The following ADGRL2 variants were observed in gnomAD, a reference collection of about 807,000 sequenced individuals.
The protein encoded by ADGRL2 is calcium-independent alpha-latrotoxin receptor 2.
Under a neutral mutation model 157.4 loss-of-function variants are expected in ADGRL2, and 44 were observed. That is an observed-to-expected ratio of 0.28 (90% confidence interval 0.22 to 0.36). The LOEUF is 0.36. Ranked by LOEUF, ADGRL2 falls within the 10% of genes least tolerant of loss-of-function variation. ADGRL2 has a pLI of 1.00. For synonymous variants in ADGRL2, 585 were observed against 624.7 expected (o/e 0.94, Z 0.95); for missense variants, 1,510 against 1,768.9 (o/e 0.85, Z 2.63).
chr1:81,503,043 C>G, intron 2 of ADGRL2: 4 of 1,611,400 alleles, frequency 2.5e-6, no homozygotes, highest in Non-Finnish European at 3.4e-6. Flanking sequence ...CTCGGACCGC[C>G]GCACTGGAGC....
intron 1 of ADGRL2, among the ~76,000 whole-genome samples, chr1:81,360,144 A>G (rs374497139): frequency 6.6e-6 from 1 of 151,926 alleles, no homozygotes; most frequent in South Asian, 2.1e-4. Context: ...ACTTCATTTC[A>G]TGGTATTGGA....
Position 81,984,515 on chromosome 1 carries a change from C to A in ADGRL2, c.3283-68C>A. On this transcript the variant is annotated intron_variant, in intron 19 of 23. Transcript: ENST00000686636. ...ATTCTTTTCGGTTGTCTTCACTGTT[C>A]ATTTAATTAGAGAGAGAGAAGCAAG... 5 of 1,388,408 alleles carry A rather than the reference C, an allele frequency of 3.6e-6. No individual in the cohort carries two copies. The South Asian group carries it at 7.3e-5, about 20-fold the overall frequency. The allele number at this position is 1,388,408 out of a possible 1,614,324, so 86.0% of individuals were successfully genotyped here.
At chr1:81,732,459 AGCACAG>A (rs2084758997) in intron 1 of ADGRL2, among the ~76,000 whole-genome samples, 1 of 152,228 alleles carries the variant, frequency 6.6e-6, no homozygotes, top group South Asian at 2.1e-4. Flanking sequence ...ATTTAATGCC[AGCACAG>A]CCTTACAGAG....
intron 1 of ADGRL2, among the ~76,000 whole-genome samples, chr1:81,437,430 C>T (rs2077429009): frequency 6.6e-6 from 1 of 152,080 alleles, no homozygotes; most frequent in African/African-American, 2.4e-5. Flanking sequence ...AAAAGAAAAA[C>T]AGATCCAAAG....
chr1:81,746,840 GT>G (rs2085263964), intron 1 of ADGRL2, among the ~76,000 whole-genome samples: 1 of 132,184 alleles, frequency 7.6e-6, no homozygotes, highest in African/African-American at 3.3e-5. Context: ...ATATATACAT[GT>G]ATATACACAC....
At chr1:81,759,599 A>T (rs1404564547) in intron 1 of ADGRL2, among the ~76,000 whole-genome samples, 2 of 152,160 alleles carry the variant, frequency 1.3e-5, no homozygotes, top group African/African-American at 4.8e-5. Context: ...CAAATACTAA[A>T]GTGATGATTT....
chr1:81,745,903 T>C (rs1425770009), intron 1 of ADGRL2, among the ~76,000 whole-genome samples: 1 of 152,176 alleles, frequency 6.6e-6, no homozygotes, highest in East Asian at 1.9e-4. Context: ...TCTTATAAAA[T>C]GACTCGAGGC....
chr1:81,465,321 A>G (rs548667019), intron 2 of ADGRL2, among the ~76,000 whole-genome samples: 51 of 152,318 alleles, frequency 3.3e-4, no homozygotes, highest in African/African-American at 1.2e-3. Context: ...TTAGGGAATT[A>G]TATAAATTAG....
chr1:81,893,472 T>C (rs2094315216), intron 2 of ADGRL2, among the ~76,000 whole-genome samples: 1 of 152,186 alleles, frequency 6.6e-6, no homozygotes, highest in Non-Finnish European at 1.5e-5. Flanking sequence ...CACCAGGGCA[T>C]GGCAACAATG....
chr1:81,567,117 C>T (rs368850182), intron 2 of ADGRL2, among the ~76,000 whole-genome samples: 12 of 152,156 alleles, frequency 7.9e-5, no homozygotes, highest in African/African-American at 2.6e-4. Flanking sequence ...ATGTGGGGAT[C>T]AGAGGGGCAT....
intron 3 of ADGRL2, among the ~76,000 whole-genome samples, chr1:81,645,059 A>G (rs1166718502): frequency 1.3e-5 from 2 of 152,046 alleles, no homozygotes; most frequent in African/African-American, 2.4e-5. Flanking sequence ...GCAATTAAGT[A>G]TTAATAGTTG....
At chr1:81,336,783 G>A (rs1661671362) in intron 1 of ADGRL2, among the ~76,000 whole-genome samples, 1 of 152,092 alleles carries the variant, frequency 6.6e-6, no homozygotes, top group Non-Finnish European at 1.5e-5. Context: ...CCCCACCCTC[G>A]AGCCTGGACA....
intron 5 of ADGRL2, 50 bp downstream of exon 5, chr1:81,942,095 A>T (rs748028407): frequency 2.8e-6 from 2 of 702,232 alleles, no homozygotes; most frequent in South Asian, 1.6e-5. Context: ...TGCCTTATGG[A>T]TGTTAACCTC....
At chr1:81,662,382 A>C (rs2082670088) in intron 3 of ADGRL2, among the ~76,000 whole-genome samples, 1 of 150,160 alleles carries the variant, frequency 6.7e-6, no homozygotes, top group African/African-American at 2.5e-5. Flanking sequence ...TAGCCTCCCT[A>C]GTAGCTGGGA....
intron 1 of ADGRL2, among the ~76,000 whole-genome samples, chr1:81,436,934 C>T (rs1218693038): frequency 1.3e-5 from 2 of 152,254 alleles, no homozygotes; most frequent in East Asian, 1.9e-4. Flanking sequence ...CCACACCTTA[C>T]CCCTTTCAGA....
intron 3 of ADGRL2, among the ~76,000 whole-genome samples, chr1:81,621,428 A>AAG (rs886656788): frequency 6.6e-6 from 1 of 152,192 alleles, no homozygotes; most frequent in Non-Finnish European, 1.5e-5. Flanking sequence ...GAAGACTGGA[A>AAG]AGAGAGATTT....
chr1:81,655,549 C>G (rs1372352923), intron 3 of ADGRL2, among the ~76,000 whole-genome samples: 1 of 152,204 alleles, frequency 6.6e-6, no homozygotes, highest in Non-Finnish European at 1.5e-5. Flanking sequence ...AAGTTACTGA[C>G]CATTCTCCAA....
intron 2 of ADGRL2, among the ~76,000 whole-genome samples, chr1:81,839,187 C>T (rs3790948): frequency 0.14 from 21,272 of 151,862 alleles, 1,638 homozygotes; most frequent in East Asian, 0.19. Flanking sequence ...CTTTTAACAT[C>T]TTACACAGTT....
chr1:81,846,419 A>C (rs1268342889), intron 2 of ADGRL2, among the ~76,000 whole-genome samples: 4 of 128,110 alleles, frequency 3.1e-5, no homozygotes, highest in Non-Finnish European at 7.0e-5. Flanking sequence ...GATAGATTAA[A>C]ATGTCCCACC....
Sources: gnomAD v4.1 joint callset for allele counts (sites outside exome capture counted in the v4.1 genomes callset) on GRCh38, gnomAD v4.1.1 for gene constraint, MANE v1.5 for transcripts, NCBI Gene and HGNC (gene_info 2026-07-23, HGNC 2026-07-21) for gene names.